Variants in LGR4 observed in about 807,000 individuals in gnomAD.
The protein encoded by LGR4 is leucine-rich repeat-containing G protein-coupled receptor 4.
Under a neutral mutation model 84.8 loss-of-function variants are expected in LGR4, and 44 were observed. The observed-to-expected ratio is 0.52, with a 90% CI of 0.41 to 0.67. The LOEUF (loss-of-function observed/expected upper bound fraction) is 0.67. Ranked by LOEUF, LGR4 falls within the 30% of genes least tolerant of loss-of-function variation. The pLI, the probability that LGR4 is intolerant of heterozygous loss-of-function variation, is 0.00. For missense variants in LGR4, 1,032 were observed against 1,131.4 expected, an observed-to-expected ratio of 0.91 and a Z score of 1.26; for synonymous variants, 429 against 434.3, an observed-to-expected ratio of 0.99 and a Z score of 0.15.
At chr11:27,454,108 A>G (rs2133447536) in intron 1 of LGR4, among the ~76,000 whole-genome samples, 1 of 152,270 alleles carries the variant, frequency 6.6e-6, no homozygotes, top group East Asian at 1.9e-4. Context: ...ATTCCTTTCT[A>G]TTTATTCCAG....
At chr11:27,383,863 CT>C (rs1374644942) in intron 6 of LGR4, among the ~76,000 whole-genome samples, 1 of 152,156 alleles carries the variant, frequency 6.6e-6, no homozygotes, top group Non-Finnish European at 1.5e-5. Context: ...GTCTCAAACA[CT>C]TTAGCTCGTG....
Position 27,425,478 on chromosome 11 carries a change from G to A in LGR4, c.186-12618C>T, listed in dbSNP as rs376405418. 7.9e-5 allele frequency among the ~76,000 whole-genome samples: 12 copies of A among 152,010 alleles called. No individual in the cohort carries two copies. In the East Asian group the frequency reaches 9.7e-4, roughly 12 times the overall value. ...CCTCAGTAGCTAGGACTACAGGCAT[G>A]CAGGGGCTGATTTTTAAAATTTTTT... is the stretch of plus-strand genomic sequence containing the variant. On this transcript the variant is annotated intron_variant, in intron 1 of 17. Coordinates refer to ENST00000379214, the MANE Select transcript of LGR4 (RefSeq NM_018490.5).
rs181196447 is a variant in LGR4, at chr11:27,435,031, C to T, written c.186-22171G>A. 1.1e-4 allele frequency among the ~76,000 whole-genome samples: 17 copies of T among 152,182 alleles called. No individual in the cohort carries two copies. The East Asian group carries it at 1.2e-3, about 10-fold the overall frequency. On this transcript the variant is annotated intron_variant, in intron 1 of 17. Transcript: ENST00000379214. ...ACACTACACCAGATGACCTTCCTGA[C>T]GAGCTACTTATAGATAAAACTTGGC...
intron 1 of LGR4, among the ~76,000 whole-genome samples, chr11:27,442,506 T>C (rs1340681862): frequency 6.6e-6 from 1 of 152,216 alleles, no homozygotes; most frequent in Non-Finnish European, 1.5e-5. Flanking sequence ...TACAGAGGGC[T>C]TATAAACCAC....
rs78012534 is a variant in LGR4 at position 27,367,417 on chromosome 11, T to C, written c.*450A>G. 4,255 of 153,870 alleles carry C rather than the reference T, an allele frequency of 0.028. 202 individuals carry two copies. The highest frequency in any genetic ancestry group is 0.097 in the African/African-American group (4,041 of 41,570). 9.5% of individuals were successfully genotyped at this position (153,870 alleles called of 1,614,324 possible). ...GTCCCTTTTTTGGCCCTGCAGTAAG[T>C]TGTCCTGAGATTAAGGATGAAACAT... On this transcript the variant is annotated 3_prime_UTR_variant, in exon 18 of 18. Coordinates refer to ENST00000379214, the MANE Select transcript of LGR4 (RefSeq NM_018490.5).
At chr11:27,396,959 A>C (rs1322933402) in intron 2 of LGR4, among the ~76,000 whole-genome samples, 1 of 152,060 alleles carries the variant, frequency 6.6e-6, no homozygotes, top group East Asian at 1.9e-4. Context: ...GCAAGGTTTC[A>C]ACCCATCCAC....
At chr11:27,413,651 G>A (rs535148472) in intron 1 of LGR4, among the ~76,000 whole-genome samples, 78 of 152,282 alleles carry the variant, frequency 5.1e-4, no homozygotes, top group African/African-American at 1.9e-3. Flanking sequence ...TGGGGCAGTG[G>A]AGTTGCCTCC....
intron 4 of LGR4, among the ~76,000 whole-genome samples, chr11:27,387,797 T>C (rs1863214116): frequency 6.6e-6 from 1 of 152,212 alleles, no homozygotes; most frequent in African/African-American, 2.4e-5. Flanking sequence ...ATGATGTATA[T>C]TCATATTCAA....
chr11:27,376,490 C>T, intron 12 of LGR4, 120 bp from the exon 13 acceptor site: 1 of 497,016 alleles, frequency 2.0e-6, no homozygotes, highest in Non-Finnish European at 3.6e-6. Flanking sequence ...TGAAAAATAA[C>T]ATTATAACAT....
intron 4 of LGR4, among the ~76,000 whole-genome samples, chr11:27,388,945 GGCA>G (rs1384496425): frequency 6.6e-6 from 1 of 152,146 alleles, no homozygotes; most frequent in Non-Finnish European, 1.5e-5. Context: ...CTTTATGGGA[GGCA>G]ATTATGCTAC....
At chr11:27,466,584 T>C (rs962753816) in intron 1 of LGR4, among the ~76,000 whole-genome samples, 5 of 152,184 alleles carry the variant, frequency 3.3e-5, no homozygotes, top group South Asian at 2.1e-4. Flanking sequence ...TACCTACTAA[T>C]ACAGAACTTT....
Position 27,377,161 on chromosome 11 carries a change from T to C in LGR4, c.1106A>G (p.Glu369Gly). ...PSFNGCHALE[E>G]ISLQRNQIYQ... ...AATAAGTCAAAGACCAACTCACATT[T>C]CTTCCAGAGCATGGCAACCATTAAA... Residue 369 changes from glutamate (E) to glycine (G), a missense_variant, in exon 12 of 18, where the codon GAA becomes GGA. Coordinates refer to ENST00000379214, the MANE Select transcript of LGR4 (RefSeq NM_018490.5). 1 of 1,578,654 alleles carries C rather than the reference T, an allele frequency of 6.3e-7. No individual in the cohort carries two copies. Among genetic ancestry groups the C allele is most frequent in the Non-Finnish European group, 8.7e-7 (1 of 1,152,566 alleles).
intron 5 of LGR4, among the ~76,000 whole-genome samples, chr11:27,384,873 A>G (rs1467201891): frequency 6.6e-6 from 1 of 152,166 alleles, no homozygotes; most frequent in East Asian, 1.9e-4. Flanking sequence ...ACACTGCATC[A>G]CATACTCTCT....
intron 3 of LGR4, 66 bp from the exon 4 acceptor site, chr11:27,391,231 G>T: frequency 1.3e-5 from 8 of 628,768 alleles, no homozygotes; most frequent in Non-Finnish European, 2.0e-5. Context: ...GAAAAATTCA[G>T]AGCCTTTTTT....
At position 27,384,345 on chromosome 11, in the gene LGR4, A is replaced by C. The variant is rs755819497; in HGVS notation, c.680T>G (p.Leu227Arg). The C allele has an allele frequency of 1.2e-6, 2 of 1,600,606 alleles. No homozygotes were observed. The change falls in exon 6 of 18, where the codon CTG becomes CGG. Residue 227 changes from leucine (L) to arginine (R), a missense_variant. Leu to Arg is a moderately radical substitution (Grantham distance 102). Coordinates refer to ENST00000379214, the MANE Select transcript of LGR4 (RefSeq NM_018490.5). ...SQHCFDGLDNLETLDLNYNNL... is the reference protein window; with the variant it reads ...SQHCFDGLDNRETLDLNYNNL... The stretch of plus-strand genomic sequence containing the variant: ...ATATGAATATACTTACAAGGTCTCC[A>C]GGTTATCTAGTCCATCAAAACAGTG...
Position 27,367,877 on chromosome 11 carries a change from A to C in LGR4, c.2846T>G (p.Val949Gly), listed in dbSNP as rs1388907731. The change falls in exon 18 of 18, where the codon GTT becomes GGT. Residue 949 changes from valine (V) to glycine (G), a missense_variant. By Grantham distance (109) the Val-to-Gly change is moderately radical. Coordinates refer to ENST00000379214, the MANE Select transcript of LGR4 (RefSeq NM_018490.5). ...LVRYAYNLPR[V>G]KD ...TACACACACAGTAGTTCAGTCTTTA[A>C]CTCTTGGTAGATTGTAAGCATAGCG... 6.3e-6 allele frequency: 10 copies of C among 1,588,990 alleles called. No homozygotes were observed. Among genetic ancestry groups the C allele is most frequent in the Non-Finnish European group, 8.5e-6 (10 of 1,172,320 alleles).
chr11:27,469,999 T>C (rs1315493703), intron 1 of LGR4, among the ~76,000 whole-genome samples: 1 of 152,094 alleles, frequency 6.6e-6, no homozygotes, highest in Non-Finnish European at 1.5e-5. Flanking sequence ...AAAACCCTTT[T>C]AGAGAGGGTG....
At chr11:27,382,370 T>C in intron 6 of LGR4, 114 bp from the exon 7 acceptor site, 1 of 662,584 alleles carries the variant, frequency 1.5e-6, no homozygotes. Context: ...TGGTAATCTT[T>C]CTTTATCAAC....
chr11:27,380,168 G>C, intron 10 of LGR4, 103 bp downstream of exon 10: 1 of 659,996 alleles, frequency 1.5e-6, no homozygotes, highest in South Asian at 2.3e-5. Flanking sequence ...GAAACCGGAG[G>C]AATCAACATA....
Sources: allele counts gnomAD v4.1 joint callset (sites outside exome capture counted in the v4.1 genomes callset), GRCh38; gene constraint gnomAD v4.1.1; transcripts MANE v1.5; gene names NCBI Gene and HGNC (gene_info 2026-07-23, HGNC 2026-07-21).